PCDHA13: variants seen among roughly 807,000 people sequenced by gnomAD.
PCDHA13 encodes the protein protocadherin alpha 13.
Under a neutral mutation model 64.8 loss-of-function variants are expected in PCDHA13, and 54 were observed. That is an observed-to-expected ratio of 0.83 (90% confidence interval 0.67 to 1.04). The LOEUF (loss-of-function observed/expected upper bound fraction) is 1.04, where lower values mean the gene tolerates loss of function less well. PCDHA13 is among the 50% of genes least tolerant of loss of function. The probability of loss-of-function intolerance (pLI) is 0.00; values close to 1 mark genes in which losing one functional copy is unlikely to be tolerated. For missense variants in PCDHA13, 1,248 were observed against 1,254.3 expected (o/e 0.99, Z 0.08); for synonymous variants, 587 against 564.4 (o/e 1.04, Z -0.57).
rs1554181300 is a variant in PCDHA13, at chr5:140,884,166, C to G, written c.1898C>G (p.Thr633Arg). The G allele has an allele frequency of 1.2e-6, 2 of 1,613,430 alleles. No individual in the cohort carries two copies. Among genetic ancestry groups the G allele is most frequent in the Non-Finnish European group, 8.5e-7 (1 of 1,179,736 alleles). Residue 633 changes from threonine (T) to arginine (R), a missense_variant, in exon 1 of 4, where the codon ACG (threonine) becomes AGG (arginine). Thr to Arg is a moderately conservative substitution (Grantham distance 71, BLOSUM62 -1). Transcript: ENST00000289272. ...GGGCTGTACACTGGCGAGATCAGCA[C>G]GACGCGCCCTCTGGACGAGGTGGAC... ...RVGLYTGEIS[T>R]TRPLDEVDAP...
intron 3 of PCDHA13, among the ~76,000 whole-genome samples, chr5:140,992,036 TG>T (rs2097488420): frequency 6.6e-6 from 1 of 151,818 alleles, no homozygotes; most frequent in African/African-American, 2.4e-5. Flanking sequence ...TGTGTGTGTG[TG>T]TGTGTGTGTG....
intron 1 of PCDHA13, among the ~76,000 whole-genome samples, chr5:140,935,656 CTTTTA>C (rs1300447387): frequency 6.6e-6 from 1 of 151,868 alleles, no homozygotes; most frequent in African/African-American, 2.4e-5. Context: ...TTTTAATTTT[CTTTTA>C]TAATTATGTG....
chr5:140,928,571 C>T (rs369670852), intron 1 of PCDHA13: 1 of 1,614,180 alleles, frequency 6.2e-7, no homozygotes, highest in East Asian at 2.2e-5. Context: ...TTTCCCTTGC[C>T]CAGAAATGGT....
chr5:140,907,733 A>C (rs2073566986), intron 1 of PCDHA13, among the ~76,000 whole-genome samples: 1 of 152,162 alleles, frequency 6.6e-6, no homozygotes, highest in Non-Finnish European at 1.5e-5. Context: ...CATCCCTGCC[A>C]CCATGGCCAC....
intron 1 of PCDHA13, among the ~76,000 whole-genome samples, chr5:140,950,402 G>A (rs1459486068): frequency 6.6e-6 from 1 of 151,846 alleles, no homozygotes; most frequent in African/African-American, 2.4e-5. Context: ...AATTCTGGGG[G>A]ATTGACAGAT....
Position 140,882,711 on chromosome 5 carries a change from C to A in PCDHA13, c.443C>A (p.Pro148Gln). Residue 148 changes from proline (P) to glutamine (Q), a missense_variant, in exon 1 of 4, where the codon CCG (proline) becomes CAG (glutamine). Coordinates refer to ENST00000289272, the MANE Select transcript of PCDHA13 (RefSeq NM_018904.3). Reference sequence around the variant, plus strand: ...ATAATCATTGCAGAATCTAGACCTCCGGAAACTCGATTTCCACTAGATGGC... The same window carrying A: ...ATAATCATTGCAGAATCTAGACCTCAGGAAACTCGATTTCCACTAGATGGC... ...KRIIIAESRP[P>Q]ETRFPLDGAS... 6.2e-7 allele frequency: 1 copy of A among 1,614,160 alleles called. No individual in the cohort carries two copies. Among genetic ancestry groups the A allele is most frequent in the Non-Finnish European group, 8.5e-7 (1 of 1,180,032 alleles).
At chr5:140,982,845 C>A (rs1436674965) in intron 3 of PCDHA13, among the ~76,000 whole-genome samples, 1 of 151,978 alleles carries the variant, frequency 6.6e-6, no homozygotes, top group Non-Finnish European at 1.5e-5. Flanking sequence ...TTGTTTAAAT[C>A]AGGTACCTTT....
chr5:140,985,532 G>A (rs1358120172), intron 3 of PCDHA13, among the ~76,000 whole-genome samples: 2 of 152,190 alleles, frequency 1.3e-5, no homozygotes, highest in African/African-American at 4.8e-5. Context: ...AAAGCTTCAC[G>A]GTGAAGATGC....
At chr5:140,999,182 G>T (rs1285087964) in intron 3 of PCDHA13, among the ~76,000 whole-genome samples, 4 of 152,204 alleles carry the variant, frequency 2.6e-5, no homozygotes, top group Non-Finnish European at 5.9e-5. Context: ...CTGATGGGGA[G>T]AGGGTCCTTG....
In PCDHA13 at chr5:140,987,224, A is replaced by AAT. The variant is rs1554248891; in HGVS notation, c.2542+4662_2542+4663insTA. Among the ~76,000 whole-genome samples, 91 of 152,046 alleles carry AAT rather than the reference A, an allele frequency of 6.0e-4. 1 individual carries two copies. Among genetic ancestry groups the AAT allele is most frequent in the African/African-American group, 2.0e-3 (84 of 41,424 alleles). ...GTGAGACTCCATCTCAAAAAAAAAA[A>AAT]AAATAATAAATAAAGAAAGAAAGAC... On this transcript the variant is annotated intron_variant, in intron 3 of 3. Coordinates refer to ENST00000289272, the MANE Select transcript of PCDHA13 (RefSeq NM_018904.3).
At chr5:140,983,226 T>C (rs892083218) in intron 3 of PCDHA13, among the ~76,000 whole-genome samples, 1 of 152,216 alleles carries the variant, frequency 6.6e-6, no homozygotes, top group Non-Finnish European at 1.5e-5. Context: ...ATCCAAACTT[T>C]CAGGAAAGAG....
chr5:140,929,437 A>G (rs533186503), intron 1 of PCDHA13: 1 of 1,453,986 alleles, frequency 6.9e-7, no homozygotes, highest in Non-Finnish European at 9.2e-7. Context: ...TGAACTAAAC[A>G]CTCCTTCTTA....
intron 1 of PCDHA13, among the ~76,000 whole-genome samples, chr5:140,888,040 T>C (rs1338203545): frequency 6.6e-6 from 1 of 152,222 alleles, no homozygotes; most frequent in Non-Finnish European, 1.5e-5. Context: ...TTAGTACATG[T>C]ATAATAGATG....
intron 1 of PCDHA13, among the ~76,000 whole-genome samples, chr5:140,957,433 A>G (rs2095359030): frequency 6.6e-6 from 1 of 152,202 alleles, no homozygotes; most frequent in Non-Finnish European, 1.5e-5. Flanking sequence ...TACTGTGCCT[A>G]ATTTATAAAT....
In PCDHA13 at chr5:140,902,128, A is replaced by G. The variant is rs140093707; in HGVS notation, c.2394+17466A>G. 5.8e-3 allele frequency among the ~76,000 whole-genome samples: 872 copies of G among 150,980 alleles called. 10 individuals carry two copies. The highest frequency in any genetic ancestry group is 0.019 in the African/African-American group (793 of 41,220). ...ATTTTTTTAAAACTGAGATTATATCATCTGCAAACAAGGATAATTTGATTT... is the reference window on the plus strand; with the variant it reads ...ATTTTTTTAAAACTGAGATTATATCGTCTGCAAACAAGGATAATTTGATTT... On this transcript the variant is annotated intron_variant, in intron 1 of 3. Coordinates refer to ENST00000289272, the MANE Select transcript of PCDHA13 (RefSeq NM_018904.3).
intron 2 of PCDHA13, among the ~76,000 whole-genome samples, chr5:140,979,601 C>T (rs1214449101): frequency 1.3e-5 from 2 of 152,160 alleles, no homozygotes; most frequent in African/African-American, 4.8e-5. Context: ...TTTAAATTAA[C>T]CTAGAGTAAC....
At chr5:140,984,174 G>A (rs557769828) in intron 3 of PCDHA13, among the ~76,000 whole-genome samples, 25 of 152,318 alleles carry the variant, frequency 1.6e-4, no homozygotes, top group African/African-American at 5.8e-4. Flanking sequence ...AAGAAGCCAC[G>A]TGAAATCATG....
chr5:140,919,286 G>A (rs1225686980), intron 1 of PCDHA13, among the ~76,000 whole-genome samples: 9 of 152,096 alleles, frequency 5.9e-5, no homozygotes, highest in Admixed American at 5.9e-4. Flanking sequence ...GCTATCTTGT[G>A]GTTGCTGTTT....
chr5:140,968,477 G>T, intron 1 of PCDHA13: 1 of 1,614,112 alleles, frequency 6.2e-7, no homozygotes, highest in Non-Finnish European at 8.5e-7. Flanking sequence ...ATATGTGGTG[G>T]ACATGAATGA....
Sources: gnomAD v4.1 joint callset for allele counts (sites outside exome capture counted in the v4.1 genomes callset) on GRCh38, gnomAD v4.1.1 for gene constraint, MANE v1.5 for transcripts, NCBI Gene and HGNC (gene_info 2026-07-23, HGNC 2026-07-21) for gene names.